SLC24A2: variants seen among roughly 807,000 people sequenced by gnomAD.
SLC24A2 encodes solute carrier family 24 member 2.
Under a neutral mutation model 62.0 loss-of-function variants are expected in SLC24A2, and 36 were observed. The ratio of observed to expected loss-of-function variants is 0.58; its 90% CI spans 0.44 to 0.77. The LOEUF is 0.77. Among genes scored for constraint, SLC24A2 ranks in the 30% least tolerant of loss-of-function variants. The pLI is 0.00. For synonymous variants in SLC24A2, 358 were observed against 294.0 expected (o/e 1.22, Z -2.23); for missense variants, 846 against 817.9 (o/e 1.03, Z -0.42).
the SLC24A2 span, among the ~76,000 whole-genome samples, chr9:19,831,021 T>G: frequency 2.6e-5 from 4 of 152,272 alleles, no homozygotes; most frequent in African/African-American, 9.6e-5. Flanking sequence ...GTGTCCTCAC[T>G]TGGTGGAAGG....
rs1563917278 is a variant in SLC24A2 at position 19,509,720 on chromosome 9, G to GT, written c.*6432dup. 1 of 151,994 alleles carries GT rather than the reference G, an allele frequency of 6.6e-6. No individual in the cohort carries two copies. The highest frequency in any genetic ancestry group is 1.5e-5 in the Non-Finnish European group (1 of 67,968). 9.4% of individuals were successfully genotyped at this position (151,994 alleles called of 1,614,324 possible). ...GATTTCAGACTTTTTTTACTTTTCT[G>GT]TTTTTTATGACATGATTTTAAAAAT... On this transcript the variant is annotated 3_prime_UTR_variant, in exon 11 of 11. Transcript: ENST00000341998.
At chr9:20,000,935 A>G in the SLC24A2 span, among the ~76,000 whole-genome samples, 1,424 of 152,312 alleles carry the variant, frequency 9.3e-3, 54 homozygotes, top group East Asian at 0.11. Context: ...ATTGCTTTTT[A>G]AGCTTAGAAG....
chr9:19,522,225 C>T (rs998438320), intron 9 of SLC24A2, among the ~76,000 whole-genome samples: 2 of 152,088 alleles, frequency 1.3e-5, no homozygotes, highest in African/African-American at 4.8e-5. Context: ...GTCTTGAACT[C>T]TCGGCCTCGA....
At chr9:19,593,268 G>A (rs915358523) in intron 5 of SLC24A2, among the ~76,000 whole-genome samples, 1 of 152,238 alleles carries the variant, frequency 6.6e-6, no homozygotes, top group Non-Finnish European at 1.5e-5. Flanking sequence ...TAGGAGAACT[G>A]TGTTTAATCT....
chr9:20,094,022 G>C, the SLC24A2 span, among the ~76,000 whole-genome samples: 37 of 152,106 alleles, frequency 2.4e-4, no homozygotes, highest in Non-Finnish European at 4.4e-4. Context: ...TTTTCACGGA[G>C]TCTATGAGGT....
chr9:20,268,856 G>T, the SLC24A2 span, among the ~76,000 whole-genome samples: 4 of 152,152 alleles, frequency 2.6e-5, no homozygotes, highest in African/African-American at 7.2e-5. Context: ...AATGGTATGT[G>T]TGTGGAGGAA....
the SLC24A2 span, among the ~76,000 whole-genome samples, chr9:20,148,286 T>G: frequency 6.6e-6 from 1 of 152,034 alleles, no homozygotes; most frequent in Non-Finnish European, 1.5e-5. Context: ...CATAGAATGG[T>G]CAATGATTAA....
At chr9:19,695,846 T>A (rs542488412) in intron 2 of SLC24A2, among the ~76,000 whole-genome samples, 2 of 152,108 alleles carry the variant, frequency 1.3e-5, no homozygotes, top group African/African-American at 2.4e-5. Context: ...AAATATAATA[T>A]TGACTTAAGG....
chr9:19,628,781 G>C (rs981740877), intron 2 of SLC24A2, among the ~76,000 whole-genome samples: 11 of 152,122 alleles, frequency 7.2e-5, no homozygotes, highest in Admixed American at 1.3e-4. Context: ...ACTATCTTAG[G>C]CCACACATAA....
chr9:20,025,058 T>C, the SLC24A2 span, among the ~76,000 whole-genome samples: 2 of 152,198 alleles, frequency 1.3e-5, no homozygotes, highest in Non-Finnish European at 2.9e-5. Context: ...CAACCCAGGA[T>C]ATTCACAATA....
At chr9:19,750,938 G>C (rs2118808619) in intron 2 of SLC24A2, among the ~76,000 whole-genome samples, 2 of 152,286 alleles carry the variant, frequency 1.3e-5, no homozygotes, top group Middle Eastern at 6.8e-3. Flanking sequence ...CTGCTCTAGT[G>C]TTAGACCGGC....
At chr9:19,516,542 C>T (rs991757680) in intron 10 of SLC24A2, 140 bp from the exon 11 acceptor site, 1 of 1,078,186 alleles carries the variant, frequency 9.3e-7, no homozygotes, top group Non-Finnish European at 1.3e-6. Context: ...TTCACTATGA[C>T]TCGGGCATGG....
chr9:20,263,278 G>C, the SLC24A2 span, among the ~76,000 whole-genome samples: 1 of 152,172 alleles, frequency 6.6e-6, no homozygotes, highest in East Asian at 1.9e-4. Context: ...GGTGAGACAG[G>C]ATCTCACTCT....
intron 2 of SLC24A2, among the ~76,000 whole-genome samples, chr9:19,741,745 C>T (rs1300612785): frequency 6.6e-6 from 1 of 152,194 alleles, no homozygotes; most frequent in Non-Finnish European, 1.5e-5. Flanking sequence ...GTTATATACT[C>T]TGTCCTTGCT....
chr9:19,887,298 G>A, the SLC24A2 span, among the ~76,000 whole-genome samples: 5 of 152,110 alleles, frequency 3.3e-5, no homozygotes, highest in African/African-American at 1.2e-4. Flanking sequence ...GTAGATTCTG[G>A]ATATTAGACC....
At chr9:19,889,239 C>G in the SLC24A2 span, among the ~76,000 whole-genome samples, 1 of 152,210 alleles carries the variant, frequency 6.6e-6, no homozygotes, top group Non-Finnish European at 1.5e-5. Flanking sequence ...CTTAGCTAAA[C>G]AAACATGGTA....
At chr9:19,546,257 AG>A (rs974493392) in intron 8 of SLC24A2, among the ~76,000 whole-genome samples, 9 of 152,242 alleles carry the variant, frequency 5.9e-5, no homozygotes, top group African/African-American at 2.2e-4. Flanking sequence ...GCCAGTAGGC[AG>A]GGACGTTTAA....
intron 2 of SLC24A2, among the ~76,000 whole-genome samples, chr9:19,684,766 G>C (rs1819830241): frequency 6.6e-6 from 1 of 151,852 alleles, no homozygotes; most frequent in Admixed American, 6.6e-5. Flanking sequence ...TTCTTGGTTG[G>C]GTTAACAAAT....
chr9:19,622,024 G>T (rs375434670), intron 3 of SLC24A2, among the ~76,000 whole-genome samples: 1 of 152,128 alleles, frequency 6.6e-6, no homozygotes, highest in Non-Finnish European at 1.5e-5. Context: ...CATACCAAAT[G>T]GAAGAGAAAA....
Sources: gnomAD v4.1 joint callset for allele counts (sites outside exome capture counted in the v4.1 genomes callset) on GRCh38, gnomAD v4.1.1 for gene constraint, MANE v1.5 for transcripts, NCBI Gene and HGNC (gene_info 2026-07-23, HGNC 2026-07-21) for gene names.